Variants in RFPL1 observed in about 807,000 individuals in gnomAD.
The protein encoded by RFPL1 is ret finger protein-like 1.
In RFPL1, 6 loss-of-function variants were observed where a neutral mutation model predicts 9.6. That is an observed-to-expected ratio of 0.62 (90% confidence interval 0.34 to 1.23). RFPL1 has a LOEUF of 1.23. RFPL1 is among the 50% of genes most tolerant of loss of function. The pLI, the probability that RFPL1 is intolerant of heterozygous loss-of-function variation, is 0.03. For synonymous variants in RFPL1, 145 were observed against 149.4 expected (o/e 0.97, Z 0.22); for missense variants, 352 against 398.4 (o/e 0.88, Z 0.99).
chr22:29,390,866 G>A, the RFPL1 span, among the ~76,000 whole-genome samples: 1 of 151,550 alleles, frequency 6.6e-6, no homozygotes, highest in Non-Finnish European at 1.5e-5. Context: ...CCAAAGTGCT[G>A]GGATTACAGG....
At chr22:29,431,225 G>A in the RFPL1 span, among the ~76,000 whole-genome samples, 1 of 152,206 alleles carries the variant, frequency 6.6e-6, no homozygotes, top group Non-Finnish European at 1.5e-5. Context: ...CCAAGGGCAG[G>A]TATTAGAGAG....
chr22:29,392,378 C>CTTT, the RFPL1 span, among the ~76,000 whole-genome samples: 1,161 of 46,260 alleles, frequency 0.025, 214 homozygotes, highest in Non-Finnish European at 0.028. Flanking sequence ...CCACACCTGG[C>CTTT]TTTTTTTTTT....
the RFPL1 span, among the ~76,000 whole-genome samples, chr22:29,392,242 G>A: frequency 6.6e-6 from 1 of 151,828 alleles, no homozygotes; most frequent in Non-Finnish European, 1.5e-5. Flanking sequence ...ACCAAACCCA[G>A]CTAATTTTTG....
At chr22:29,408,246 A>G in the RFPL1 span, among the ~76,000 whole-genome samples, 1 of 152,208 alleles carries the variant, frequency 6.6e-6, no homozygotes, top group Admixed American at 6.5e-5. Context: ...TGAACCATAC[A>G]GTGCCTTTCT....
chr22:29,402,798 C>A, the RFPL1 span, among the ~76,000 whole-genome samples: 19 of 144,022 alleles, frequency 1.3e-4, 1 homozygote, highest in Middle Eastern at 3.4e-3. Context: ...CAATAACAAC[C>A]CCCGCCCCCC....
the RFPL1 span, among the ~76,000 whole-genome samples, chr22:29,424,840 C>A: frequency 1.1e-4 from 12 of 113,542 alleles, no homozygotes; most frequent in South Asian, 7.5e-4. Flanking sequence ...CCCACCCCCC[C>A]CCCCGCAAAA....
the RFPL1 span, among the ~76,000 whole-genome samples, chr22:29,418,856 A>T: frequency 1.3e-5 from 2 of 152,252 alleles, no homozygotes; most frequent in African/African-American, 4.8e-5. Flanking sequence ...CCTCTTCCCC[A>T]GCCAGTACTG....
intron 1 of RFPL1, chr22:29,439,938 G>A (rs2062830112): frequency 2.0e-5 from 3 of 152,278 alleles, no homozygotes; most frequent in African/African-American, 7.2e-5. Flanking sequence ...AGTTTGGAAT[G>A]GAGCACCTAT....
At chr22:29,432,468 T>C in the RFPL1 span, among the ~76,000 whole-genome samples, 1 of 152,196 alleles carries the variant, frequency 6.6e-6, no homozygotes, top group Non-Finnish European at 1.5e-5. Context: ...CCCCTCCCCT[T>C]TCTAAACCAA....
the RFPL1 span, among the ~76,000 whole-genome samples, chr22:29,389,422 C>T: frequency 9.9e-5 from 15 of 150,866 alleles, no homozygotes; most frequent in South Asian, 1.3e-3. Context: ...CATGGTGGCT[C>T]ACACCTGTAA....
At chr22:29,419,821 A>G in the RFPL1 span, among the ~76,000 whole-genome samples, 1 of 151,602 alleles carries the variant, frequency 6.6e-6, no homozygotes, top group Middle Eastern at 3.2e-3. Flanking sequence ...AAAAAAGAAA[A>G]GAAAAAAAAA....
the RFPL1 span, among the ~76,000 whole-genome samples, chr22:29,393,807 C>A: frequency 2.6e-5 from 4 of 152,130 alleles, no homozygotes; most frequent in African/African-American, 9.7e-5. Context: ...CAGAGTCTCA[C>A]TCTTTTTGCC....
the RFPL1 span, among the ~76,000 whole-genome samples, chr22:29,395,308 T>A: frequency 6.6e-6 from 1 of 152,150 alleles, no homozygotes; most frequent in Admixed American, 6.5e-5. Context: ...TGGTTTTTGT[T>A]GTTTTCATCC....
At chr22:29,414,548 C>T in the RFPL1 span, among the ~76,000 whole-genome samples, 1 of 152,114 alleles carries the variant, frequency 6.6e-6, no homozygotes, top group African/African-American at 2.4e-5. Context: ...ATTTTCCTAA[C>T]TCTGCTTCTA....
chr22:29,389,377 G>C, the RFPL1 span, among the ~76,000 whole-genome samples: 1 of 151,482 alleles, frequency 6.6e-6, no homozygotes, highest in African/African-American at 2.4e-5. Flanking sequence ...GACAGATCCA[G>C]ACCCTGTCTC....
At chr22:29,391,393 G>A in the RFPL1 span, among the ~76,000 whole-genome samples, 1 of 152,126 alleles carries the variant, frequency 6.6e-6, no homozygotes, top group Non-Finnish European at 1.5e-5. Flanking sequence ...TGCAGCATGT[G>A]TGATATGCAA....
At chr22:29,410,309 TATATAG>T in the RFPL1 span, among the ~76,000 whole-genome samples, 3 of 96,038 alleles carry the variant, frequency 3.1e-5, no homozygotes, top group African/African-American at 1.7e-4. Context: ...TATATATCTA[TATATAG>T]ATATATATAT....
chr22:29,401,429 C>CT, the RFPL1 span, among the ~76,000 whole-genome samples: 1 of 152,222 alleles, frequency 6.6e-6, no homozygotes, highest in African/African-American at 2.4e-5. Context: ...CAATGTGACA[C>CT]TTAAAGAGTT....
chr22:29,394,417 A>C, the RFPL1 span, among the ~76,000 whole-genome samples: 7 of 141,462 alleles, frequency 4.9e-5, no homozygotes, highest in Admixed American at 1.4e-4. Context: ...GTCTTGGCTC[A>C]CTGCAACCTC....
Sources: allele counts gnomAD v4.1 joint callset (sites outside exome capture counted in the v4.1 genomes callset), GRCh38; gene constraint gnomAD v4.1.1; transcripts MANE v1.5; gene names NCBI Gene and HGNC (gene_info 2026-07-23, HGNC 2026-07-21).